The following PRDM16 variants were observed in gnomAD, a reference collection of about 807,000 sequenced individuals.
PRDM16 encodes PR/SET domain 16.
A neutral mutation model predicts 110.6 loss-of-function variants in PRDM16; 23 were observed. That is an observed-to-expected ratio of 0.21 (90% confidence interval 0.15 to 0.29). The LOEUF (loss-of-function observed/expected upper bound fraction) is 0.29. Among genes scored for constraint, PRDM16 ranks in the 10% least tolerant of loss-of-function variants. The pLI is 1.00. For missense variants in PRDM16, 1,615 were observed against 1,794.3 expected (o/e 0.90, Z 1.81); for synonymous variants, 799 against 781.8 (o/e 1.02, Z -0.37).
chr1:3,120,599 T>G (rs2100661292), intron 1 of PRDM16, among the ~76,000 whole-genome samples: 1 of 151,948 alleles, frequency 6.6e-6, no homozygotes, highest in African/African-American at 2.4e-5. Context: ...CCCCCACCCC[T>G]CTGTCCCTGC....
chr1:3,402,135 T>C (rs1027584139), intron 5 of PRDM16, among the ~76,000 whole-genome samples: 1 of 152,014 alleles, frequency 6.6e-6, no homozygotes, highest in Non-Finnish European at 1.5e-5. Flanking sequence ...TTCAATTCAT[T>C]TGGGAAAGAG....
intron 1 of PRDM16, among the ~76,000 whole-genome samples, chr1:3,114,191 ACGCACACG>A (rs1168887132): frequency 2.5e-4 from 33 of 131,792 alleles, no homozygotes; most frequent in South Asian, 7.5e-4. Flanking sequence ...ACACGCACAC[ACGCACACG>A]CACGCACACA....
intron 3 of PRDM16, among the ~76,000 whole-genome samples, chr1:3,328,665 G>A (rs1278656172): frequency 6.6e-6 from 1 of 152,148 alleles, no homozygotes; most frequent in East Asian, 1.9e-4. Flanking sequence ...CCAGGAGTCT[G>A]TTTTATCAGA....
intron 3 of PRDM16, among the ~76,000 whole-genome samples, chr1:3,363,551 G>A (rs745373028): frequency 6.6e-6 from 1 of 152,152 alleles, no homozygotes; most frequent in Non-Finnish European, 1.5e-5. Flanking sequence ...GGGGCATCCT[G>A]AGTGCCATCC....
intron 15 of PRDM16, 81 bp downstream of exon 15, chr1:3,431,189 A>G: frequency 1.3e-6 from 2 of 1,499,914 alleles, no homozygotes; most frequent in Non-Finnish European, 1.8e-6. Context: ...CTCTTCAGCC[A>G]CTCGTGAGCC....
At chr1:3,269,045 G>A (rs1179245102) in intron 3 of PRDM16, among the ~76,000 whole-genome samples, 4 of 152,248 alleles carry the variant, frequency 2.6e-5, no homozygotes, top group East Asian at 1.9e-4. Flanking sequence ...GGAGACAGGC[G>A]TCTCGGGCTT....
At chr1:3,413,084 C>T (rs1643720842) in intron 9 of PRDM16, among the ~76,000 whole-genome samples, 1 of 152,110 alleles carries the variant, frequency 6.6e-6, no homozygotes. Context: ...ACCACTCAGA[C>T]ATCACACTGC....
chr1:3,118,396 GGA>G (rs758494063), intron 1 of PRDM16, among the ~76,000 whole-genome samples: 1 of 152,216 alleles, frequency 6.6e-6, no homozygotes, highest in Non-Finnish European at 1.5e-5. Flanking sequence ...TGACAGCCAT[GGA>G]GAGGGGCTCC....
intron 2 of PRDM16, among the ~76,000 whole-genome samples, chr1:3,234,422 C>T (rs571061985): frequency 1.3e-5 from 2 of 152,358 alleles, no homozygotes; most frequent in African/African-American, 2.4e-5. Flanking sequence ...CCCGGCCAGG[C>T]CACTTCCAGG....
chr1:3,183,879 G>A (rs940432011), intron 1 of PRDM16, among the ~76,000 whole-genome samples: 9 of 152,166 alleles, frequency 5.9e-5, no homozygotes, highest in African/African-American at 1.9e-4. Flanking sequence ...GGGCAGAGGC[G>A]CCCACGCCCG....
chr1:3,410,980 C>T (rs1361888151), intron 8 of PRDM16, among the ~76,000 whole-genome samples: 1 of 152,180 alleles, frequency 6.6e-6, no homozygotes, highest in African/African-American at 2.4e-5. Flanking sequence ...GGCGGCACAG[C>T]AGGAACTGTA....
intron 3 of PRDM16, among the ~76,000 whole-genome samples, chr1:3,352,383 C>T (rs535231013): frequency 6.4e-4 from 97 of 152,330 alleles, no homozygotes; most frequent in African/African-American, 2.0e-3. Context: ...CCCCCAGATG[C>T]TCTCCACTGA....
chr1:3,186,689 G>A, intron 2 of PRDM16: 1 of 482,090 alleles, frequency 2.1e-6, no homozygotes, highest in South Asian at 4.3e-5. Flanking sequence ...AGCCCTGTAG[G>A]CCACGCCCAC....
chr1:3,419,782 G>A (rs1047402073), intron 12 of PRDM16, among the ~76,000 whole-genome samples: 5 of 151,998 alleles, frequency 3.3e-5, no homozygotes, highest in African/African-American at 1.2e-4. Flanking sequence ...TGTGCATGTC[G>A]TGGTCACTGA....
At chr1:3,110,043 A>G (rs1418157756) in intron 1 of PRDM16, among the ~76,000 whole-genome samples, 1,062 of 65,756 alleles carry the variant, frequency 0.016, no homozygotes, top group Middle Eastern at 0.033. Flanking sequence ...TGTCCTGGGT[A>G]TGGGGACACA....
At chr1:3,211,193 T>G (rs1638874875) in intron 2 of PRDM16, among the ~76,000 whole-genome samples, 1 of 152,218 alleles carries the variant, frequency 6.6e-6, no homozygotes, top group Non-Finnish European at 1.5e-5. Flanking sequence ...GACACTTGCT[T>G]GCCCACCCAT....
At chr1:3,285,887 T>C (rs1007288270) in intron 3 of PRDM16, among the ~76,000 whole-genome samples, 1 of 152,172 alleles carries the variant, frequency 6.6e-6, no homozygotes, top group Non-Finnish European at 1.5e-5. Flanking sequence ...CTGCCGAGCG[T>C]GGAGCCCAAT....
At chr1:3,336,333 TGTACATGCACATGTGTGTGTGC>T (rs1642147648) in intron 3 of PRDM16, among the ~76,000 whole-genome samples, 3 of 148,326 alleles carry the variant, frequency 2.0e-5, no homozygotes, top group Non-Finnish European at 4.5e-5. Flanking sequence ...TGCACATGTG[TGTACATGCACATGTGTGTGTGC>T]ATGTGGAGGG....
At chr1:3,176,290 CTATCCATCTGTCCATA>C (rs1569764681) in intron 1 of PRDM16, among the ~76,000 whole-genome samples, 7 of 152,122 alleles carry the variant, frequency 4.6e-5, no homozygotes, top group African/African-American at 1.2e-4. Context: ...ATCCATCCAT[CTATCCATCTGTCCATA>C]CATCCATCTA....
Sources: gnomAD v4.1 joint callset for allele counts (sites outside exome capture counted in the v4.1 genomes callset) on GRCh38, gnomAD v4.1.1 for gene constraint, MANE v1.5 for transcripts, NCBI Gene and HGNC (gene_info 2026-07-23, HGNC 2026-07-21) for gene names.